Variants in AUNIP observed in about 807,000 individuals in gnomAD.
AUNIP encodes aurora kinase A- and ninein-interacting protein.
A neutral mutation model predicts 12.2 loss-of-function variants in AUNIP; 16 were observed. The ratio of observed to expected loss-of-function variants is 1.31; its 90% CI spans 0.88 to 1.99. AUNIP has a LOEUF of 1.99. Ranked by LOEUF, AUNIP falls within the 30% of genes most tolerant of loss-of-function variation. The pLI, the probability that AUNIP is intolerant of heterozygous loss-of-function variation, is 0.00. For synonymous variants in AUNIP, 142 were observed against 154.8 expected (o/e 0.92, Z 0.61); for missense variants, 411 against 419.1 (o/e 0.98, Z 0.17).
rs1341072251 is a variant in AUNIP, at chr1:25,834,960, TC to T, written c.*32del. Reference sequence around the variant, plus strand: ...TATATTTTCCTACATCTCTATCATTTCAAGGTACTTTTAGAAACAAAGCTTC... The same window carrying T: ...TATATTTTCCTACATCTCTATCATTTAAGGTACTTTTAGAAACAAAGCTTC... On this transcript the variant is annotated 3_prime_UTR_variant, in exon 3 of 3. Transcript: ENST00000374298. The T allele has an allele frequency of 6.3e-7, 1 of 1,580,030 alleles. No homozygotes were observed.
chr1:25,840,070 T>C (rs1352333638), intron 1 of AUNIP, among the ~76,000 whole-genome samples: 1 of 151,892 alleles, frequency 6.6e-6, no homozygotes, highest in East Asian at 1.9e-4. Context: ...AATACTGTAA[T>C]TGGGGTGGGG....
chr1:25,844,953 G>A lies in AUNIP; in HGVS notation c.79-7399C>T, dbSNP rs543300700. ...TTGAAAGGATGACGCTACCTCATAA[G>A]CATGCCCTAAGGAGGATTGTTTAAG... On this transcript the variant is annotated intron_variant, in intron 1 of 2. Coordinates refer to ENST00000374298, the MANE Select transcript of AUNIP (RefSeq NM_024037.3). 5.3e-5 allele frequency among the ~76,000 whole-genome samples: 8 copies of A among 152,292 alleles called. No homozygotes were observed. The East Asian group carries it at 1.5e-3, about 29-fold the overall frequency.
chr1:25,857,158 C>T (rs923230418), intron 1 of AUNIP, among the ~76,000 whole-genome samples: 4 of 152,098 alleles, frequency 2.6e-5, no homozygotes, highest in South Asian at 2.1e-4. Context: ...AAGTTTCCCA[C>T]GCATCCCATG....
rs369193804 is a variant in AUNIP, at chr1:25,852,460, G to GTT, written c.78+6818_78+6819dup. Among the ~76,000 whole-genome samples, 122 of 114,104 alleles carry GTT rather than the reference G, an allele frequency of 1.1e-3. 4 individuals are homozygous for GTT. The highest frequency in any genetic ancestry group is 3.4e-3 in the African/African-American group (94 of 27,936). 74.9% of individuals were successfully genotyped at this position (114,104 alleles called of 152,430 possible). On this transcript the variant is annotated intron_variant, in intron 1 of 2. Coordinates refer to ENST00000374298, the MANE Select transcript of AUNIP (RefSeq NM_024037.3). Reference sequence around the variant, plus strand: ...TAGATTATTTAAGGTTTTTTTTTTTGTTGTTTTTTTTTTTGAGACAGGAGT... The same window carrying GTT: ...TAGATTATTTAAGGTTTTTTTTTTTGTTTTGTTTTTTTTTTTGAGACAGGAGT...
At chr1:25,839,024 ATGT>A (rs749045600) in intron 1 of AUNIP, among the ~76,000 whole-genome samples, 6 of 152,224 alleles carry the variant, frequency 3.9e-5, no homozygotes, top group Non-Finnish European at 5.9e-5. Context: ...ATACTTCAAC[ATGT>A]TGTGTTGCTG....
downstream of AUNIP, among the ~76,000 whole-genome samples, chr1:25,833,226 C>T (rs1234270843): frequency 2.0e-5 from 3 of 152,156 alleles, no homozygotes; most frequent in African/African-American, 2.4e-5. Flanking sequence ...GTGAGCCTCC[C>T]ACCTTAGCCT....
intron 1 of AUNIP, among the ~76,000 whole-genome samples, chr1:25,840,353 AAAGG>A (rs1379117427): frequency 3.9e-5 from 6 of 152,210 alleles, no homozygotes; most frequent in African/African-American, 1.4e-4. Flanking sequence ...AAATAACTGA[AAAGG>A]AAGAAGCAAA....
At chr1:25,838,559 A>G (rs1025424605) in intron 1 of AUNIP, among the ~76,000 whole-genome samples, 1 of 152,168 alleles carries the variant, frequency 6.6e-6, no homozygotes, top group African/African-American at 2.4e-5. Context: ...AAAGGCTTAC[A>G]CAGTTCCCGG....
chr1:25,832,045 A>G, downstream of AUNIP: 2 of 1,614,080 alleles, frequency 1.2e-6, no homozygotes, highest in East Asian at 2.2e-5. Context: ...AGCTCTGCAA[A>G]CTCAGTCTCA....
At chr1:25,840,494 T>C (rs2048341186) in intron 1 of AUNIP, among the ~76,000 whole-genome samples, 1 of 152,166 alleles carries the variant, frequency 6.6e-6, no homozygotes, top group East Asian at 1.9e-4. Flanking sequence ...TATAAACAAC[T>C]GTAACATTCT....
Position 25,835,818 on chromosome 1 carries a change from A to C in AUNIP, c.249T>G (p.Ser83Arg). ...TCTGACTTTCTGTATGAGATGAAAC[A>C]CTCTTCTGGTCACTGCCATTTGTCT... ...PGKTNGSDQKSVSSHTESQIN... is the reference protein window; with the variant it reads ...PGKTNGSDQKRVSSHTESQIN... The change falls in exon 3 of 3, where the codon AGT becomes AGG. Residue 83 changes from serine to arginine, a missense_variant. Coordinates refer to ENST00000374298, the MANE Select transcript of AUNIP (RefSeq NM_024037.3). The C allele has an allele frequency of 6.2e-7, 1 of 1,614,004 alleles. No homozygotes were observed.
chr1:25,852,474 T>TTTTTC (rs2048430793), intron 1 of AUNIP, among the ~76,000 whole-genome samples: 1 of 149,612 alleles, frequency 6.7e-6, no homozygotes, highest in African/African-American at 2.5e-5. Context: ...TTTTTTTTTT[T>TTTTTC]GAGACAGGAG....
chr1:25,857,778 G>A (rs1174914002), intron 1 of AUNIP, among the ~76,000 whole-genome samples: 1 of 151,252 alleles, frequency 6.6e-6, no homozygotes, highest in Non-Finnish European at 1.5e-5. Flanking sequence ...CGGAAGAATC[G>A]CTTGAACCCG....
Position 25,834,965 on chromosome 1 carries a change from G to T in AUNIP, c.*28C>A. ...TTTCCTACATCTCTATCATTTCAAGGTACTTTTAGAAACAAAGCTTCAAAC... is the reference window on the plus strand; with the variant it reads ...TTTCCTACATCTCTATCATTTCAAGTTACTTTTAGAAACAAAGCTTCAAAC... On this transcript the variant is annotated 3_prime_UTR_variant, in exon 3 of 3. Coordinates refer to ENST00000374298, the MANE Select transcript of AUNIP (RefSeq NM_024037.3). 1 of 1,583,796 alleles carries T rather than the reference G, an allele frequency of 6.3e-7. No homozygotes were observed. The highest frequency in any genetic ancestry group is 8.6e-7 in the Non-Finnish European group (1 of 1,165,632).
chr1:25,846,425 A>G (rs1223680965), intron 1 of AUNIP, among the ~76,000 whole-genome samples: 1 of 148,232 alleles, frequency 6.7e-6, no homozygotes, highest in Non-Finnish European at 1.5e-5. Context: ...TCAAAAAAAA[A>G]AAAAAAAAAA....
In AUNIP at chr1:25,835,127, TC is replaced by T. The variant is rs781116451; in HGVS notation, c.939del (p.Trp313Ter). On this transcript the variant is annotated frameshift_variant, in exon 3 of 3. Coordinates refer to ENST00000374298, the MANE Select transcript of AUNIP (RefSeq NM_024037.3). LOFTEE classifies it high-confidence loss of function. ...RAPFQDVTNN[W>X]NWDLGPFPNS... ...TTAGGAAACGGCCCTAAGTCCCAAT[TC>T]CAGTTATTGGTTACATCTTGAAAAG... The T allele has an allele frequency of 6.2e-7, 1 of 1,614,160 alleles. No individual in the cohort carries two copies. Among genetic ancestry groups the T allele is most frequent in the Admixed American group, 1.7e-5 (1 of 60,014 alleles).
Position 25,847,265 on chromosome 1 carries a change from G to T in AUNIP, c.79-9711C>A, listed in dbSNP as rs4659386. ...CTTAAAAAACAGTTGTGTTTTTTTT[G>T]TTTTGTTTTTTTTTGAGACGGAGTC... On this transcript the variant is annotated intron_variant, in intron 1 of 2. Transcript: ENST00000374298. This position sits in a 1 kb window ranked among gnomAD's most constrained non-coding sequence, Gnocchi z 4.2. Among the ~76,000 whole-genome samples, 32,542 of 151,680 alleles carry T rather than the reference G, an allele frequency of 0.21. 3,735 individuals are homozygous for T. The highest frequency in any genetic ancestry group is 0.27 in the African/African-American group (10,973 of 41,336).
At chr1:25,854,063 T>C (rs2048441574) in intron 1 of AUNIP, among the ~76,000 whole-genome samples, 2 of 151,986 alleles carry the variant, frequency 1.3e-5, no homozygotes, top group African/African-American at 4.8e-5. Flanking sequence ...ATACAAAAAT[T>C]AGCCGGGCAT....
At chr1:25,832,316 GCC>G, downstream of AUNIP, 4 of 811,228 alleles carry the variant, frequency 4.9e-6, no homozygotes, top group South Asian at 7.1e-5. Flanking sequence ...GTTTTTCCTT[GCC>G]CCTGTGTGAA....
Sources: allele counts gnomAD v4.1 joint callset (sites outside exome capture counted in the v4.1 genomes callset), GRCh38; gene constraint gnomAD v4.1.1; non-coding constraint Gnocchi (gnomAD v3.1); transcripts MANE v1.5; gene names NCBI Gene and HGNC (gene_info 2026-07-23, HGNC 2026-07-21).